Variants in OCA2 observed in about 807,000 individuals in gnomAD.
OCA2 encodes the protein OCA2 melanosomal transmembrane protein, also known as P protein.
In OCA2, 77 loss-of-function variants were observed where a neutral mutation model predicts 100.2. That is an observed-to-expected ratio of 0.77 (90% CI 0.64 to 0.93). OCA2 has a LOEUF of 0.93. Among genes scored for constraint, OCA2 ranks in the 40% least tolerant of loss-of-function variants. The pLI is 0.00. For missense variants in OCA2, 1,062 were observed against 1,089.1 expected, an observed-to-expected ratio of 0.98 and a Z score of 0.35; for synonymous variants, 432 against 439.2, an observed-to-expected ratio of 0.98 and a Z score of 0.21.
intron 19 of OCA2, among the ~76,000 whole-genome samples, chr15:27,921,953 A>G (rs907937313): frequency 3.3e-5 from 5 of 152,220 alleles, no homozygotes; most frequent in African/African-American, 1.2e-4. Context: ...TGTATGTTAT[A>G]TGTCTTATAC....
At chr15:27,775,530 G>C (rs1432364962) in intron 23 of OCA2, 1 of 152,440 alleles carries the variant, frequency 6.6e-6, no homozygotes, top group Non-Finnish European at 1.5e-5. Flanking sequence ...CTCCCTGCAG[G>C]TGGACCCCTG....
intron 6 of OCA2, among the ~76,000 whole-genome samples, chr15:28,021,114 C>T (rs2042580728): frequency 6.6e-6 from 1 of 152,232 alleles, no homozygotes; most frequent in Admixed American, 6.5e-5. Flanking sequence ...TGAATTAATT[C>T]CTTTTTAAAT....
intron 2 of OCA2, among the ~76,000 whole-genome samples, chr15:28,066,087 A>T (rs943654910): frequency 6.6e-6 from 1 of 152,220 alleles, no homozygotes; most frequent in Admixed American, 6.5e-5. Flanking sequence ...CACAAGATCA[A>T]TGTACAAAAA....
chr15:28,081,972 A>G (rs2044648348), intron 1 of OCA2, 77 bp from the exon 2 acceptor site: 1 of 1,205,934 alleles, frequency 8.3e-7, no homozygotes, highest in Non-Finnish European at 1.2e-6. Context: ...AGTCCGTACA[A>G]TAGGAAGGTT....
At chr15:28,083,153 G>A (rs994742777) in intron 1 of OCA2, among the ~76,000 whole-genome samples, 1 of 152,148 alleles carries the variant, frequency 6.6e-6, no homozygotes, top group African/African-American at 2.4e-5. Flanking sequence ...TCTTCACAAT[G>A]CCCCATGAGC....
intron 19 of OCA2, among the ~76,000 whole-genome samples, chr15:27,888,592 C>T (rs753374518): frequency 1.3e-5 from 2 of 151,522 alleles, no homozygotes; most frequent in Non-Finnish European, 2.9e-5. Flanking sequence ...TGGGAAGAAA[C>T]AAAAGATATA....
At position 27,954,159 on chromosome 15, in the gene OCA2, A is replaced by ACACACC. The variant is rs147024497; in HGVS notation, c.1842+998_1842+999insGGTGTG. Among the ~76,000 whole-genome samples, 432 of 55,094 alleles carry ACACACC rather than the reference A, an allele frequency of 7.8e-3. 6 individuals carry two copies. Among genetic ancestry groups the ACACACC allele is most frequent in the South Asian group, 0.014 (27 of 1,952 alleles). 36.1% of individuals were successfully genotyped at this position (55,094 alleles called of 152,430 possible). Reference sequence around the variant, plus strand: ...CACACACACACACACACACACACACACCTAGGGTCATTTCTGTAAGAATTC... The same window carrying ACACACC: ...CACACACACACACACACACACACACACACACCCCTAGGGTCATTTCTGTAAGAATTC... On this transcript the variant is annotated intron_variant, in intron 17 of 23. Transcript: ENST00000354638.
At chr15:27,955,260 C>T (rs375292655) in intron 16 of OCA2, 45 bp from the exon 17 acceptor site, 60 of 1,437,904 alleles carry the variant, frequency 4.2e-5, no homozygotes, top group Non-Finnish European at 5.5e-5. Flanking sequence ...GGTCACGCTG[C>T]GTGGTGAGAT....
chr15:28,022,469 C>T (rs751321110), intron 6 of OCA2, 32 bp downstream of exon 6: 24 of 1,506,780 alleles, frequency 1.6e-5, no homozygotes, highest in East Asian at 6.8e-5. Flanking sequence ...CTCAGCCAGG[C>T]GGCTGGCCAT....
chr15:27,910,771 T>C (rs1383588406), intron 19 of OCA2, among the ~76,000 whole-genome samples: 1 of 151,320 alleles, frequency 6.6e-6, no homozygotes, highest in South Asian at 2.1e-4. Context: ...GCCTAACCAA[T>C]GCAGTGAAAC....
At chr15:27,959,628 C>T (rs986059802) in intron 15 of OCA2, among the ~76,000 whole-genome samples, 3 of 152,142 alleles carry the variant, frequency 2.0e-5, no homozygotes, top group Non-Finnish European at 4.4e-5. Context: ...ATCTCTGGTG[C>T]CAGCCCCTGG....
intron 23 of OCA2, among the ~76,000 whole-genome samples, chr15:27,817,226 G>C (rs1018040743): frequency 3.3e-5 from 5 of 152,090 alleles, no homozygotes; most frequent in Admixed American, 2.6e-4. Flanking sequence ...ATCCCTATAA[G>C]CTTTATTAAA....
At chr15:27,993,573 G>A (rs531449640) in intron 9 of OCA2, among the ~76,000 whole-genome samples, 7 of 152,318 alleles carry the variant, frequency 4.6e-5, no homozygotes, top group South Asian at 2.1e-4. Flanking sequence ...AAGGCAGACA[G>A]CCATGGCCCT....
intron 14 of OCA2, among the ~76,000 whole-genome samples, chr15:27,969,209 A>C (rs2040685569): frequency 6.6e-6 from 1 of 152,232 alleles, no homozygotes; most frequent in South Asian, 2.1e-4. Flanking sequence ...AATTGGAGAA[A>C]AAAGTGATGA....
chr15:27,858,888 A>C (rs2036035765), intron 21 of OCA2, among the ~76,000 whole-genome samples: 1 of 152,056 alleles, frequency 6.6e-6, no homozygotes, highest in Non-Finnish European at 1.5e-5. Flanking sequence ...AATCAGTAAC[A>C]GAAGGAAAAA....
chr15:28,016,606 C>T (rs2042401466), intron 7 of OCA2, among the ~76,000 whole-genome samples: 1 of 152,108 alleles, frequency 6.6e-6, no homozygotes, highest in Non-Finnish European at 1.5e-5. Flanking sequence ...GAGCAAGACC[C>T]CTGTCTGCAC....
intron 14 of OCA2, among the ~76,000 whole-genome samples, chr15:27,981,757 C>T: frequency 6.6e-6 from 1 of 152,110 alleles, no homozygotes; most frequent in Non-Finnish European, 1.5e-5. Context: ...GATCTGAACA[C>T]TCTGCTGAAC....
intron 19 of OCA2, among the ~76,000 whole-genome samples, chr15:27,916,434 T>C (rs2038667323): frequency 6.6e-6 from 1 of 152,206 alleles, no homozygotes; most frequent in Non-Finnish European, 1.5e-5. Flanking sequence ...TTTATATTGA[T>C]GTTATGTACT....
At chr15:27,922,641 T>C (rs995616093) in intron 19 of OCA2, among the ~76,000 whole-genome samples, 2 of 152,164 alleles carry the variant, frequency 1.3e-5, no homozygotes, top group Non-Finnish European at 2.9e-5. Flanking sequence ...ACAAAAATTT[T>C]ATGCATTCAT....
Sources: allele counts gnomAD v4.1 joint callset (sites outside exome capture counted in the v4.1 genomes callset), GRCh38; gene constraint gnomAD v4.1.1; transcripts MANE v1.5; gene names NCBI Gene and HGNC (gene_info 2026-07-23, HGNC 2026-07-21).